Variants in RNF220 observed in about 807,000 individuals in gnomAD.
RNF220 encodes the protein ring finger protein 220.
Under a neutral mutation model 67.1 loss-of-function variants are expected in RNF220, and 7 were observed. The ratio of observed to expected loss-of-function variants is 0.10; its 90% CI spans 0.06 to 0.20. RNF220 has a LOEUF of 0.20. RNF220 is among the 10% of genes least tolerant of loss of function. RNF220 has a pLI of 1.00. For missense variants in RNF220, 565 were observed against 740.3 expected (o/e 0.76, Z 2.75); for synonymous variants, 270 against 283.2 (o/e 0.95, Z 0.47).
At chr1:44,476,553 T>C (rs1311273530) in intron 2 of RNF220, among the ~76,000 whole-genome samples, 2 of 152,196 alleles carry the variant, frequency 1.3e-5, no homozygotes, top group Non-Finnish European at 2.9e-5. Context: ...TCTCCAGGCT[T>C]CCCAGGCCCT....
Position 44,650,627 on chromosome 1 carries a change from T to C in RNF220, c.1630-77T>C, listed in dbSNP as rs1644766870. 5.4e-6 allele frequency: 8 copies of C among 1,488,370 alleles called. No individual in the cohort carries two copies. The highest frequency in any genetic ancestry group is 1.1e-5 in the South Asian group (1 of 88,204). The allele number at this position is 1,488,370 out of a possible 1,614,324, so 92.2% of individuals were successfully genotyped here. ...CAGCACACACTGGTGCAGAGAGACA[T>C]GGCTGCAGGCCCAGGTGCTCACATG... On this transcript the variant is annotated intron_variant, in intron 14 of 14. Coordinates refer to ENST00000361799, the MANE Select transcript of RNF220 (RefSeq NM_018150.4). This position sits in a 1 kb window ranked among gnomAD's most constrained non-coding sequence, Gnocchi z 4.3.
intron 4 of RNF220, among the ~76,000 whole-genome samples, chr1:44,625,051 G>GAGAA (rs1643900378): frequency 6.6e-6 from 1 of 151,502 alleles, no homozygotes; most frequent in Non-Finnish European, 1.5e-5. Context: ...GAGAGAGAGA[G>GAGAA]AGAGAGAAAG....
At position 44,461,920 on chromosome 1, in the gene RNF220, C is replaced by CTTTTTTTTTTTT. The variant is rs1445179984; in HGVS notation, c.625+49201_625+49202insTTTTTTTTTTTT. 2.4e-3 allele frequency among the ~76,000 whole-genome samples: 279 copies of CTTTTTTTTTTTT among 118,110 alleles called. 10 individuals carry two copies. The highest frequency in any genetic ancestry group is 9.2e-3 in the African/African-American group (270 of 29,212). The allele number at this position is 118,110 out of a possible 152,430, so 77.5% of individuals were successfully genotyped here. A position where few individuals can be genotyped will look rare whatever the true frequency, so the allele number is the denominator to read the frequency against. The stretch of plus-strand genomic sequence containing the variant: ...ATCATATTTTTTTCTTTTCTTTTTT[C>CTTTTTTTTTTTT]TTTGTTTTTTTTTTTTTTTTTTTTT... On this transcript the variant is annotated intron_variant, in intron 2 of 14. Coordinates refer to ENST00000361799, the MANE Select transcript of RNF220 (RefSeq NM_018150.4).
At position 44,644,725 on chromosome 1, in the gene RNF220, A is replaced by C; in HGVS notation, c.1154A>C (p.Lys385Thr). ...RGSGFIMCSGKENPDSDADLD... is the reference protein window; with the variant it reads ...RGSGFIMCSGTENPDSDADLD... ...TCTGGCTTCATCATGTGCAGCGGCA[A>C]AGAGAACCCGGACAGTGATGCTGAC... is the stretch of plus-strand genomic sequence containing the variant. The change falls in exon 9 of 15, where the codon AAA becomes ACA. Residue 385 changes from lysine to threonine, a missense_variant. Transcript: ENST00000361799. The C allele has an allele frequency of 6.2e-7, 1 of 1,614,122 alleles. No homozygotes were observed. The highest frequency in any genetic ancestry group is 8.5e-7 in the Non-Finnish European group (1 of 1,180,008).
intron 2 of RNF220, among the ~76,000 whole-genome samples, chr1:44,543,657 C>T (rs530676239): frequency 1.8e-3 from 274 of 151,786 alleles, no homozygotes; most frequent in African/African-American, 6.4e-3. Context: ...AGTACGTGAC[C>T]GGGGTGTACA....
intron 2 of RNF220, among the ~76,000 whole-genome samples, chr1:44,435,028 TAAA>T (rs33931761): frequency 6.9e-6 from 1 of 143,914 alleles, no homozygotes. Context: ...TCCTGTCTCT[TAAA>T]AAAAAAAAAA....
chr1:44,414,618 T>C (rs2147812978), intron 2 of RNF220, among the ~76,000 whole-genome samples: 1 of 152,248 alleles, frequency 6.6e-6, no homozygotes, highest in East Asian at 1.9e-4. Context: ...GCATCCCCCA[T>C]GGAGATGGAT....
intron 2 of RNF220, among the ~76,000 whole-genome samples, chr1:44,452,821 C>A (rs1191256718): frequency 6.6e-6 from 1 of 152,068 alleles, no homozygotes; most frequent in Non-Finnish European, 1.5e-5. Flanking sequence ...AGTTTTTGTT[C>A]TCATACTTTT....
chr1:44,549,871 C>A (rs756340215), intron 2 of RNF220, among the ~76,000 whole-genome samples: 5 of 152,186 alleles, frequency 3.3e-5, no homozygotes, highest in Non-Finnish European at 7.4e-5. Flanking sequence ...GGCAGTAGCT[C>A]TGAAGAGAAG....
intron 2 of RNF220, among the ~76,000 whole-genome samples, chr1:44,498,911 T>C (rs2148075407): frequency 6.6e-6 from 1 of 152,264 alleles, no homozygotes; most frequent in East Asian, 1.9e-4. Flanking sequence ...TCTCCCCCAA[T>C]AAACTTGTCC....
chr1:44,500,233 C>T (rs902156837), intron 2 of RNF220, among the ~76,000 whole-genome samples: 4 of 152,236 alleles, frequency 2.6e-5, no homozygotes, highest in African/African-American at 2.4e-5. Flanking sequence ...AGGCTACACA[C>T]GCTGCCCTTG....
intron 2 of RNF220, among the ~76,000 whole-genome samples, chr1:44,445,792 T>C (rs541319967): frequency 2.0e-5 from 3 of 152,352 alleles, no homozygotes; most frequent in African/African-American, 4.8e-5. Flanking sequence ...ATTGCATTTA[T>C]TGGTTAATAT....
chr1:44,452,761 T>C (rs1355919351), intron 2 of RNF220, among the ~76,000 whole-genome samples: 1 of 152,160 alleles, frequency 6.6e-6, no homozygotes, highest in Non-Finnish European at 1.5e-5. Context: ...CGTGAGCCAC[T>C]GTGCCCAGCC....
intron 2 of RNF220, among the ~76,000 whole-genome samples, chr1:44,604,956 G>A (rs1446795848): frequency 6.6e-6 from 1 of 152,212 alleles, no homozygotes; most frequent in Non-Finnish European, 1.5e-5. Context: ...GGAACCTCAT[G>A]CTGTGTGAGA....
chr1:44,446,196 G>T (rs1001905786), intron 2 of RNF220, among the ~76,000 whole-genome samples: 4 of 152,174 alleles, frequency 2.6e-5, no homozygotes, highest in African/African-American at 9.7e-5. Flanking sequence ...TCATGAAGAT[G>T]AAATCTTAGG....
chr1:44,642,732 A>C (rs1644523347), intron 8 of RNF220, among the ~76,000 whole-genome samples: 1 of 152,194 alleles, frequency 6.6e-6, no homozygotes, highest in African/African-American at 2.4e-5. Context: ...CTGCTTTGCC[A>C]TGGAGCCATA....
intron 1 of RNF220, among the ~76,000 whole-genome samples, chr1:44,406,754 G>A (rs968840194): frequency 1.3e-5 from 2 of 150,860 alleles, no homozygotes; most frequent in South Asian, 2.1e-4. Flanking sequence ...TGCTTTGTAA[G>A]AGAAAGCCTT....
chr1:44,412,798 G>GT lies in RNF220; in HGVS notation c.625+80dup. 6.6e-7 allele frequency: 1 copy of GT among 1,511,366 alleles called. No individual in the cohort carries two copies. Among genetic ancestry groups the GT allele is most frequent in the East Asian group, 2.3e-5 (1 of 44,108 alleles). The allele number at this position is 1,511,366 out of a possible 1,614,324, so 93.6% of individuals were successfully genotyped here. A position where few individuals can be genotyped will look rare whatever the true frequency, so the allele number is the denominator to read the frequency against. On this transcript the variant is annotated intron_variant, in intron 2 of 14. Coordinates refer to ENST00000361799, the MANE Select transcript of RNF220 (RefSeq NM_018150.4). This position sits in a 1 kb window ranked among gnomAD's most constrained non-coding sequence, Gnocchi z 5.3. Reference sequence around the variant, plus strand: ...CCGTGATGTTCAACAGGTCGGTGGCGTTTTGCATGCTCCTAGTAATAGGAA... The same window carrying GT: ...CCGTGATGTTCAACAGGTCGGTGGCGTTTTTGCATGCTCCTAGTAATAGGAA...
chr1:44,543,198 C>A (rs896500557), intron 2 of RNF220, among the ~76,000 whole-genome samples: 1 of 152,154 alleles, frequency 6.6e-6, no homozygotes, highest in Non-Finnish European at 1.5e-5. Context: ...GAGACCTCCC[C>A]GTCAGACCCC....
Sources: gnomAD v4.1 joint callset for allele counts (sites outside exome capture counted in the v4.1 genomes callset) on GRCh38, gnomAD v4.1.1 for gene constraint, Gnocchi (gnomAD v3.1) non-coding constraint, MANE v1.5 for transcripts, NCBI Gene and HGNC (gene_info 2026-07-23, HGNC 2026-07-21) for gene names.